PCCA: variants seen among roughly 807,000 people sequenced by gnomAD.
PCCA encodes the protein propionyl-CoA carboxylase alpha chain, mitochondrial.
In PCCA, 74 loss-of-function variants were observed where a neutral mutation model predicts 101.3. That is an observed-to-expected ratio of 0.73 (90% CI 0.61 to 0.89). The LOEUF is 0.89. Among genes scored for constraint, PCCA ranks in the 40% least tolerant of loss-of-function variants. The probability of loss-of-function intolerance (pLI) is 0.00; values close to 1 mark genes in which losing one functional copy is unlikely to be tolerated. For synonymous variants in PCCA, 294 were observed against 313.6 expected (o/e 0.94, Z 0.66); for missense variants, 891 against 907.0 (o/e 0.98, Z 0.23).
At chr13:100,486,394 G>T (rs1333730953) in intron 21 of PCCA, among the ~76,000 whole-genome samples, 1 of 152,176 alleles carries the variant, frequency 6.6e-6, no homozygotes, top group Non-Finnish European at 1.5e-5. Context: ...ATTCACCACC[G>T]TGTCCTTTGT....
chr13:100,340,344 G>A, intron 18 of PCCA, 85 bp downstream of exon 18: 3 of 784,036 alleles, frequency 3.8e-6, no homozygotes, highest in Non-Finnish European at 6.8e-6. Flanking sequence ...TAAAAGATGT[G>A]GCTGATCTCA....
chr13:100,203,299 A>G (rs188811729), intron 6 of PCCA, among the ~76,000 whole-genome samples: 2 of 150,276 alleles, frequency 1.3e-5, no homozygotes, highest in Admixed American at 6.6e-5. Context: ...AAGAAATGAG[A>G]TGATAGTTTT....
intron 6 of PCCA, among the ~76,000 whole-genome samples, chr13:100,180,204 AT>A (rs892928844): frequency 6.6e-6 from 1 of 152,190 alleles, no homozygotes; most frequent in Non-Finnish European, 1.5e-5. Flanking sequence ...GAACTATGTG[AT>A]TAAGAACACT....
At chr13:100,305,724 A>T in intron 14 of PCCA, 1 of 355,328 alleles carries the variant, frequency 2.8e-6, no homozygotes, top group South Asian at 2.5e-5. Flanking sequence ...TATTGCTTTT[A>T]AAGCTGCTCC....
chr13:100,232,339 TGTGTGTGTATGC>T (rs991644871), intron 7 of PCCA, among the ~76,000 whole-genome samples: 1 of 145,428 alleles, frequency 6.9e-6, no homozygotes, highest in Non-Finnish European at 1.5e-5. Context: ...TGTTTATGTG[TGTGTGTGTATGC>T]GTGTGTGTGT....
chr13:100,117,928 A>G (rs749463531), intron 4 of PCCA, among the ~76,000 whole-genome samples: 1 of 151,954 alleles, frequency 6.6e-6, no homozygotes, highest in Non-Finnish European at 1.5e-5. Flanking sequence ...CATCCTGGCT[A>G]ACACGGTGAA....
At chr13:100,375,521 G>A (rs2075848183) in intron 19 of PCCA, among the ~76,000 whole-genome samples, 1 of 152,148 alleles carries the variant, frequency 6.6e-6, no homozygotes, top group Non-Finnish European at 1.5e-5. Flanking sequence ...AGGTCTCTAA[G>A]AACTTGCTTT....
chr13:100,287,321 T>A (rs928616983), intron 12 of PCCA, among the ~76,000 whole-genome samples: 1 of 152,074 alleles, frequency 6.6e-6, no homozygotes, highest in African/African-American at 2.4e-5. Flanking sequence ...GCCTATAGAT[T>A]AGCTTATTGT....
At chr13:100,449,330 C>A in intron 21 of PCCA, 25 bp downstream of exon 21, 3 of 1,397,780 alleles carry the variant, frequency 2.1e-6, no homozygotes, top group Non-Finnish European at 3.0e-6. Context: ...ATTCTTTATT[C>A]TCTTAATTTA....
intron 19 of PCCA, among the ~76,000 whole-genome samples, chr13:100,398,829 T>C (rs1364231452): frequency 6.6e-6 from 1 of 152,192 alleles, no homozygotes; most frequent in Admixed American, 6.5e-5. Flanking sequence ...TTACTTCCCG[T>C]AAGCTCCATC....
chr13:100,210,088 C>A (rs1260876900), intron 7 of PCCA, among the ~76,000 whole-genome samples: 2 of 152,106 alleles, frequency 1.3e-5, no homozygotes, highest in African/African-American at 4.8e-5. Flanking sequence ...AGAATCCCTC[C>A]TTCTTTAGCC....
chr13:100,188,091 G>A (rs1376795374), intron 6 of PCCA, among the ~76,000 whole-genome samples: 1 of 152,108 alleles, frequency 6.6e-6, no homozygotes, highest in Non-Finnish European at 1.5e-5. Flanking sequence ...TCAAGAGATC[G>A]AGACCACCCT....
chr13:100,301,588 T>C lies in PCCA; in HGVS notation c.1194T>C (p.Cys398=). ...GCATCAACGGCTGGGCAGTTGAATG[T>C]CGGGTTTATGCTGAGGTAAAATGAA... The part of the protein sequence containing the change: ...DIRINGWAVE[C]RVYAEDPYKS... Residue 398 remains cysteine, a synonymous_variant, in exon 13 of 24, where the codon TGT becomes TGC. Coordinates refer to ENST00000376285, the MANE Select transcript of PCCA (RefSeq NM_000282.4). 1 of 1,613,966 alleles carries C rather than the reference T, an allele frequency of 6.2e-7. No individual in the cohort carries two copies. Among genetic ancestry groups the C allele is most frequent in the Non-Finnish European group, 8.5e-7 (1 of 1,179,946 alleles).
intron 18 of PCCA, among the ~76,000 whole-genome samples, chr13:100,355,526 G>T (rs2073877233): frequency 6.6e-6 from 1 of 151,884 alleles, no homozygotes. Flanking sequence ...CAGTGGCATT[G>T]TACAAGCCAA....
chr13:100,233,668 C>T (rs180702484), intron 7 of PCCA, among the ~76,000 whole-genome samples: 1 of 152,168 alleles, frequency 6.6e-6, no homozygotes, highest in East Asian at 1.9e-4. Flanking sequence ...ATTTTAATGT[C>T]CAGTGCATAA....
At chr13:100,137,340 A>G (rs2051304492) in intron 4 of PCCA, among the ~76,000 whole-genome samples, 1 of 152,212 alleles carries the variant, frequency 6.6e-6, no homozygotes, top group South Asian at 2.1e-4. Context: ...AGACTTCAGT[A>G]CTGTATAAAT....
intron 21 of PCCA, among the ~76,000 whole-genome samples, chr13:100,469,504 C>A (rs1266216571): frequency 1.3e-5 from 2 of 152,000 alleles, no homozygotes; most frequent in African/African-American, 4.8e-5. Flanking sequence ...TGTGGCCGGG[C>A]ACGGTGGCTC....
At chr13:100,334,640 A>C (rs1245314225) in intron 17 of PCCA, among the ~76,000 whole-genome samples, 1 of 152,240 alleles carries the variant, frequency 6.6e-6, no homozygotes, top group African/African-American at 2.4e-5. Context: ...AAAACAATTC[A>C]GCAGTCAATG....
intron 6 of PCCA, among the ~76,000 whole-genome samples, chr13:100,160,374 G>C (rs183767848): frequency 1.3e-5 from 2 of 152,074 alleles, no homozygotes; most frequent in African/African-American, 4.8e-5. Context: ...ATGGTGGCAC[G>C]AGCCTTTGAT....
Sources: gnomAD v4.1 joint callset for allele counts (sites outside exome capture counted in the v4.1 genomes callset) on GRCh38, gnomAD v4.1.1 for gene constraint, MANE v1.5 for transcripts, NCBI Gene and HGNC (gene_info 2026-07-23, HGNC 2026-07-21) for gene names.